Variants in U2AF2 observed in about 807,000 individuals in gnomAD.
U2AF2 encodes splicing factor U2AF 65 kDa subunit.
Under a neutral mutation model 52.6 loss-of-function variants are expected in U2AF2, and 6 were observed. The ratio of observed to expected loss-of-function variants is 0.11; its 90% confidence interval spans 0.06 to 0.23. The LOEUF (loss-of-function observed/expected upper bound fraction) is 0.23. Among genes scored for constraint, U2AF2 ranks in the 10% least tolerant of loss-of-function variants. The probability of loss-of-function intolerance (pLI) is 1.00; values close to 1 mark genes in which losing one functional copy is unlikely to be tolerated. For missense variants in U2AF2, 222 were observed against 677.1 expected, an observed-to-expected ratio of 0.33 and a Z score of 7.46; for synonymous variants, 284 against 258.2, an observed-to-expected ratio of 1.10 and a Z score of -0.96.
Position 55,663,663 on chromosome 19 carries a change from G to A in U2AF2, c.661G>A (p.Gly221Ser), listed in dbSNP as rs1408566650. 6.2e-7 allele frequency: 1 copy of A among 1,614,122 alleles called. No individual in the cohort carries two copies. The highest frequency in any genetic ancestry group is 1.7e-5 in the Admixed American group (1 of 60,026). ...AMAFDGIIFQ[G>S]QSLKIRRPHD... ...GGCCTTTGATGGCATCATCTTCCAG[G>A]GCCAGTCACTAAAGATCCGCAGGCC... The change falls in exon 7 of 12, where the codon GGC becomes AGC. Residue 221 changes from glycine (G) to serine (S), a missense_variant. By Grantham distance (56) the Gly-to-Ser change is moderately conservative. Coordinates refer to ENST00000308924, the MANE Select transcript of U2AF2 (RefSeq NM_007279.3).
At chr19:55,655,533 C>T (rs1015319956) in intron 1 of U2AF2, among the ~76,000 whole-genome samples, 2 of 152,242 alleles carry the variant, frequency 1.3e-5, no homozygotes, top group Non-Finnish European at 2.9e-5. Context: ...CTCTTTTCTC[C>T]CGCTGCCTTG....
intron 5 of U2AF2, chr19:55,662,139 A>C: frequency 5.5e-6 from 1 of 182,302 alleles, no homozygotes; most frequent in Non-Finnish European, 1.2e-5. Flanking sequence ...CTGTCTCTTC[A>C]TCTCTTGTGT....
At chr19:55,664,040 G>A (rs1448490779) in intron 7 of U2AF2, 4 of 345,700 alleles carry the variant, frequency 1.2e-5, no homozygotes, top group South Asian at 1.0e-4. Flanking sequence ...CCTGGACCTC[G>A]TGCCTGCGTT....
chr19:55,658,495 A>G (rs1983943514), intron 1 of U2AF2, among the ~76,000 whole-genome samples: 1 of 152,086 alleles, frequency 6.6e-6, no homozygotes, highest in Admixed American at 6.5e-5. Context: ...ACGCCTTTAC[A>G]GTCTCTTCAG....
chr19:55,668,448 C>G lies in U2AF2; in HGVS notation c.743-59C>G, dbSNP rs1422385408. ...AATTGAGGAGCTCGCCGTAGACTGT[C>G]CAGGTTTTGGGAGATAACCTGGTAC... On this transcript the variant is annotated intron_variant, in intron 7 of 11. Coordinates refer to ENST00000308924, the MANE Select transcript of U2AF2 (RefSeq NM_007279.3). This position sits in a 1 kb window ranked among gnomAD's most constrained non-coding sequence, Gnocchi z 5.5. The G allele has an allele frequency of 1.3e-6, 2 of 1,495,602 alleles. No individual in the cohort carries two copies. Among genetic ancestry groups the G allele is most frequent in the Non-Finnish European group, 9.0e-7 (1 of 1,105,402 alleles). 92.6% of individuals were successfully genotyped at this position (1,495,602 alleles called of 1,614,324 possible).
rs757478927 is a variant in U2AF2, at chr19:55,669,706, G to T, written c.1293+14G>T. On this transcript the variant is annotated intron_variant, in intron 11 of 11. Transcript: ENST00000308924. ...GGCTGCGGAAAGGTCAGGAGGCCTC[G>T]GGCTCAGTGCTCTCTCACCCTCTGC... The T allele has an allele frequency of 5.4e-5, 85 of 1,587,412 alleles. No individual in the cohort carries two copies. The highest frequency in any genetic ancestry group is 6.8e-5 in the Non-Finnish European group (79 of 1,164,988).
intron 1 of U2AF2, 146 bp downstream of exon 1, chr19:55,655,299 C>A: frequency 1.1e-6 from 1 of 897,356 alleles, no homozygotes; most frequent in Non-Finnish European, 1.6e-6. Context: ...GCCTCGTTCA[C>A]GTGACGTCCC....
intron 7 of U2AF2, among the ~76,000 whole-genome samples, chr19:55,665,731 C>T (rs951751284): frequency 6.6e-6 from 1 of 151,712 alleles, no homozygotes; most frequent in Non-Finnish European, 1.5e-5. Context: ...TCACTGCAAC[C>T]TCCGCCTCCC....
At chr19:55,660,989 C>G (rs1341142015) in intron 4 of U2AF2, 49 bp from the exon 5 acceptor site, 2 of 1,531,678 alleles carry the variant, frequency 1.3e-6, no homozygotes, top group South Asian at 1.2e-5. Context: ...GGGGTGGTCA[C>G]TGAGCATTCC....
chr19:55,664,278 C>G (rs1460045451), intron 7 of U2AF2, among the ~76,000 whole-genome samples: 1 of 152,226 alleles, frequency 6.6e-6, no homozygotes, highest in Non-Finnish European at 1.5e-5. Context: ...GACCATGTCA[C>G]TGTGTGTGAA....
At chr19:55,663,791 C>G (rs774297269) in intron 7 of U2AF2, 47 bp downstream of exon 7, 3 of 1,608,090 alleles carry the variant, frequency 1.9e-6, no homozygotes, top group South Asian at 2.2e-5. Flanking sequence ...CAGTCCTGTT[C>G]CCATGGCCTG....
At chr19:55,663,826 T>C in intron 7 of U2AF2, 82 bp downstream of exon 7, 1 of 1,576,044 alleles carries the variant, frequency 6.3e-7, no homozygotes, top group South Asian at 1.2e-5. Context: ...CCAGCTGGAG[T>C]GGCTTAGGAA....
chr19:55,661,537 C>T (rs1290129892), intron 5 of U2AF2, among the ~76,000 whole-genome samples: 1 of 128,646 alleles, frequency 7.8e-6, no homozygotes, highest in Non-Finnish European at 1.8e-5. Context: ...CACACACACA[C>T]ACACAGACGC....
intron 1 of U2AF2, among the ~76,000 whole-genome samples, chr19:55,655,608 G>A (rs1239011718): frequency 1.3e-5 from 2 of 152,256 alleles, no homozygotes; most frequent in African/African-American, 4.8e-5. Context: ...CAAAATGGCG[G>A]TTGTGAGAAC....
chr19:55,667,331 G>A (rs1388556982), intron 7 of U2AF2, among the ~76,000 whole-genome samples: 1 of 152,186 alleles, frequency 6.6e-6, no homozygotes, highest in East Asian at 1.9e-4. Context: ...CTCACACTTG[G>A]TGTGGAGGCT....
chr19:55,662,476 C>G (rs768461067), intron 5 of U2AF2, 26 bp from the exon 6 acceptor site: 35 of 1,366,442 alleles, frequency 2.6e-5, no homozygotes, highest in African/African-American at 1.2e-4. Flanking sequence ...CCCCGCCCCC[C>G]CCCTTGTCTC....
Position 55,662,574 on chromosome 19 carries a change from T to G in U2AF2, c.559T>G (p.Leu187Val). The G allele has an allele frequency of 6.2e-7, 1 of 1,609,080 alleles. No homozygotes were observed. Residue 187 changes from leucine to valine, a missense_variant, in exon 6 of 12, where the codon TTG (leucine) becomes GTG (valine). By Grantham distance (32) the Leu-to-Val change is conservative. This residue lies in a region of U2AF2 where 35 missense variants were observed against 149.3 expected (regional missense o/e 0.23). Transcript: ENST00000308924. Reference sequence around the variant, plus strand: ...GACCCAGGCCCCTGGCAACCCAGTGTTGGCTGTGCAGATTAACCAGGACAA... The same window carrying G: ...GACCCAGGCCCCTGGCAACCCAGTGGTGGCTGTGCAGATTAACCAGGACAA... ...GLTQAPGNPVLAVQINQDKNF... is the reference protein window; with the variant it reads ...GLTQAPGNPVVAVQINQDKNF...
rs868535607 is a variant in U2AF2 at position 55,668,826 on chromosome 19, G to A, written c.945+34G>A. 16 of 1,595,824 alleles carry A rather than the reference G, an allele frequency of 1.0e-5. No individual in the cohort carries two copies. The highest frequency in any genetic ancestry group is 1.3e-5 in the Non-Finnish European group (15 of 1,168,538). ...CCGGTCGCTGGCCGCTGCCGCGTCT[G>A]TCCTTCCCTGCCCTGCGCTGTTGCC... On this transcript the variant is annotated intron_variant, in intron 9 of 11. Transcript: ENST00000308924. This position sits in a 1 kb window ranked among gnomAD's most constrained non-coding sequence, Gnocchi z 5.5.
chr19:55,669,094 G>A lies in U2AF2; in HGVS notation c.957G>A (p.Gly319=). 1 of 1,613,270 alleles carries A rather than the reference G, an allele frequency of 6.2e-7. No homozygotes were observed. The highest frequency in any genetic ancestry group is 8.5e-7 in the Non-Finnish European group (1 of 1,179,932). The change falls in exon 10 of 12, where the codon GGG becomes GGA. Residue 319 remains glycine, a synonymous_variant. Coordinates refer to ENST00000308924, the MANE Select transcript of U2AF2 (RefSeq NM_007279.3). ...TCCTCCAAACACAGGCCATTGCGGGGCTGAACGGCATGCAGCTGGGGGATA... is the reference window on the plus strand; with the variant it reads ...TCCTCCAAACACAGGCCATTGCGGGACTGAACGGCATGCAGCTGGGGGATA... ...DINVTDQAIA[G]LNGMQLGDKK... is the part of the protein sequence containing the mutation.
Sources: allele counts gnomAD v4.1 joint callset (sites outside exome capture counted in the v4.1 genomes callset), GRCh38; gene constraint gnomAD v4.1.1; regional missense constraint gnomAD v4.1.1; non-coding constraint Gnocchi (gnomAD v3.1); transcripts MANE v1.5; gene names NCBI Gene and HGNC (gene_info 2026-07-23, HGNC 2026-07-21).